Variants in GPC6 observed in about 807,000 individuals in gnomAD.
GPC6 encodes the protein glypican 6, also known as glypican-6.
Under a neutral mutation model 55.2 loss-of-function variants are expected in GPC6, and 14 were observed. The observed-to-expected ratio is 0.25, with a 90% CI of 0.17 to 0.40. The LOEUF is 0.40. Ranked by LOEUF, GPC6 falls within the 10% of genes least tolerant of loss-of-function variation. GPC6 has a pLI of 1.00. For missense variants in GPC6, 641 were observed against 708.5 expected, an observed-to-expected ratio of 0.90 and a Z score of 1.08; for synonymous variants, 278 against 259.6, an observed-to-expected ratio of 1.07 and a Z score of -0.68.
chr13:94,362,425 G>A (rs549406827), intron 6 of GPC6, among the ~76,000 whole-genome samples: 2 of 152,170 alleles, frequency 1.3e-5, no homozygotes, highest in South Asian at 4.2e-4. Context: ...GTTAACCTTG[G>A]CTCTGGTAGA....
At chr13:93,479,886 CA>C (rs1879450323) in intron 1 of GPC6, among the ~76,000 whole-genome samples, 1 of 152,146 alleles carries the variant, frequency 6.6e-6, no homozygotes, top group Non-Finnish European at 1.5e-5. Context: ...GAGACAGAAA[CA>C]GCCCTGGCCA....
At chr13:93,246,305 C>A (rs1017985054) in intron 1 of GPC6, among the ~76,000 whole-genome samples, 8 of 152,136 alleles carry the variant, frequency 5.3e-5, no homozygotes, top group African/African-American at 1.9e-4. Context: ...CTCCTTACAT[C>A]ATAGTTTTAG....
At chr13:93,628,068 T>C (rs555054369) in intron 2 of GPC6, among the ~76,000 whole-genome samples, 2 of 152,308 alleles carry the variant, frequency 1.3e-5, no homozygotes, top group South Asian at 4.1e-4. Context: ...TCTTGCTCCA[T>C]AGAGCTGGAT....
At chr13:93,586,382 T>G (rs1314110283) in intron 2 of GPC6, among the ~76,000 whole-genome samples, 1 of 152,180 alleles carries the variant, frequency 6.6e-6, no homozygotes, top group Non-Finnish European at 1.5e-5. Context: ...TTAGGCTGAT[T>G]CCATATCTTT....
intron 1 of GPC6, among the ~76,000 whole-genome samples, chr13:93,313,039 C>T (rs1279170796): frequency 6.6e-6 from 1 of 152,170 alleles, no homozygotes; most frequent in African/African-American, 2.4e-5. Flanking sequence ...GAAGTTAAGA[C>T]TTCACATGAC....
At chr13:93,464,006 G>T (rs2813633) in intron 1 of GPC6, among the ~76,000 whole-genome samples, 151,709 of 152,276 alleles carry the variant, frequency 1, 75,575 homozygotes, top group Middle Eastern at 1. Context: ...TCACACAAAT[G>T]TTTTAGTTTC....
intron 2 of GPC6, among the ~76,000 whole-genome samples, chr13:93,777,592 C>T (rs867002608): frequency 3.3e-5 from 5 of 152,090 alleles, no homozygotes; most frequent in Admixed American, 1.3e-4. Context: ...AAAGTAGAAT[C>T]GGTACCTATG....
At chr13:93,528,646 G>T (rs773664965) in intron 1 of GPC6, among the ~76,000 whole-genome samples, 1 of 152,090 alleles carries the variant, frequency 6.6e-6, no homozygotes, top group Non-Finnish European at 1.5e-5. Context: ...GAAGTTTTTG[G>T]CATCTTCTAA....
At chr13:93,384,791 T>C (rs956643338) in intron 1 of GPC6, among the ~76,000 whole-genome samples, 2 of 152,240 alleles carry the variant, frequency 1.3e-5, no homozygotes, top group Non-Finnish European at 2.9e-5. Flanking sequence ...GTGTTGTTCC[T>C]GTGGTATGAG....
At chr13:93,758,586 T>C (rs1398501322) in intron 2 of GPC6, among the ~76,000 whole-genome samples, 2 of 152,148 alleles carry the variant, frequency 1.3e-5, no homozygotes, top group Non-Finnish European at 2.9e-5. Context: ...TATAAACTTT[T>C]GTTAGTAGAA....
chr13:93,706,710 A>G (rs1882859226), intron 2 of GPC6, among the ~76,000 whole-genome samples: 1 of 151,870 alleles, frequency 6.6e-6, no homozygotes, highest in Non-Finnish European at 1.5e-5. Flanking sequence ...CCAGTCATTC[A>G]TTCATCCATT....
At chr13:93,251,274 T>G (rs1876778030) in intron 1 of GPC6, among the ~76,000 whole-genome samples, 2 of 152,142 alleles carry the variant, frequency 1.3e-5, no homozygotes, top group Non-Finnish European at 2.9e-5. Context: ...CTCTTTCTCT[T>G]TCTGACTGGA....
chr13:93,410,803 T>C (rs1011609123), intron 1 of GPC6, among the ~76,000 whole-genome samples: 1 of 152,178 alleles, frequency 6.6e-6, no homozygotes, highest in African/African-American at 2.4e-5. Flanking sequence ...CATCTTAAAC[T>C]TCTTTCAATG....
In GPC6 at chr13:94,135,707, C is replaced by T. The variant is rs566827332; in HGVS notation, c.877+107813C>T. Among the ~76,000 whole-genome samples the T allele has an allele frequency of 9.8e-5, 15 of 152,300 alleles. No individual in the cohort carries two copies. The East Asian group carries it at 1.7e-3, about 18-fold the overall frequency. ...ATTTTTTATTATAAAGGGAATTTAT[C>T]GAATCACTACTGAATTAGCAAGAAT... On this transcript the variant is annotated intron_variant, in intron 4 of 8. Transcript: ENST00000377047.
chr13:93,718,711 T>A (rs1030461602), intron 2 of GPC6, among the ~76,000 whole-genome samples: 5 of 152,160 alleles, frequency 3.3e-5, no homozygotes, highest in African/African-American at 1.2e-4. Context: ...ATTGCCTAGG[T>A]TTTCTTCTAG....
At chr13:93,546,720 G>A (rs1430647503) in intron 2 of GPC6, among the ~76,000 whole-genome samples, 2 of 152,172 alleles carry the variant, frequency 1.3e-5, no homozygotes, top group African/African-American at 2.4e-5. Flanking sequence ...GCCCCTGATA[G>A]GACTCTGTGT....
At chr13:93,604,780 C>G (rs1317640813) in intron 2 of GPC6, among the ~76,000 whole-genome samples, 1 of 152,128 alleles carries the variant, frequency 6.6e-6, no homozygotes, top group Non-Finnish European at 1.5e-5. Context: ...TTATCAGTGC[C>G]TAGTGAGCAT....
chr13:94,389,143 G>A (rs1264952800), intron 7 of GPC6, among the ~76,000 whole-genome samples: 1 of 152,062 alleles, frequency 6.6e-6, no homozygotes, highest in Non-Finnish European at 1.5e-5. Context: ...AGACAAATAG[G>A]AACTGAAAGG....
intron 2 of GPC6, among the ~76,000 whole-genome samples, chr13:93,589,787 C>T (rs1877378615): frequency 6.6e-6 from 1 of 152,130 alleles, no homozygotes; most frequent in Admixed American, 6.5e-5. Flanking sequence ...TCTGGTTATT[C>T]CATGGAGAGC....
Sources: allele counts gnomAD v4.1 joint callset (sites outside exome capture counted in the v4.1 genomes callset), GRCh38; gene constraint gnomAD v4.1.1; transcripts MANE v1.5; gene names NCBI Gene and HGNC (gene_info 2026-07-23, HGNC 2026-07-21).